CNTN5: variants seen among roughly 807,000 people sequenced by gnomAD.
The protein encoded by CNTN5 is contactin-5.
Under a neutral mutation model 129.1 loss-of-function variants are expected in CNTN5, and 77 were observed. That is an observed-to-expected ratio of 0.60 (90% CI 0.50 to 0.72). CNTN5 has a LOEUF of 0.72. CNTN5 is among the 30% of genes least tolerant of loss of function. The pLI, the probability that CNTN5 is intolerant of heterozygous loss-of-function variation, is 0.00. For missense variants in CNTN5, 1,478 were observed against 1,328.8 expected (o/e 1.11, Z -1.75); for synonymous variants, 509 against 465.6 (o/e 1.09, Z -1.20).
chr11:99,351,244 C>A (rs188401924), intron 2 of CNTN5, among the ~76,000 whole-genome samples: 171 of 152,242 alleles, frequency 1.1e-3, no homozygotes, highest in Admixed American at 2.0e-3. Flanking sequence ...TAGAGGAAGC[C>A]AAGTACTATC....
intron 6 of CNTN5, among the ~76,000 whole-genome samples, chr11:99,853,071 G>A (rs1057179878): frequency 6.6e-6 from 1 of 152,092 alleles, no homozygotes; most frequent in African/African-American, 2.4e-5. Flanking sequence ...CAAAGGGGCA[G>A]TATAAATAAA....
At chr11:99,644,813 A>G (rs551002855) in intron 3 of CNTN5, among the ~76,000 whole-genome samples, 2 of 152,216 alleles carry the variant, frequency 1.3e-5, no homozygotes, top group South Asian at 4.1e-4. Flanking sequence ...AATAAACACT[A>G]AAGGAACTAT....
At chr11:99,652,674 G>A (rs1952201548) in intron 3 of CNTN5, among the ~76,000 whole-genome samples, 2 of 152,068 alleles carry the variant, frequency 1.3e-5, no homozygotes, top group Middle Eastern at 6.8e-3. Flanking sequence ...ATATAACTTA[G>A]TCCATTTTGT....
intron 3 of CNTN5, chr11:99,558,198 C>CTTTT: frequency 3.7e-6 from 1 of 268,844 alleles, no homozygotes; most frequent in Non-Finnish European, 7.5e-6. Context: ...TGTTGGGTTT[C>CTTTT]TTTTTTTTGT....
intron 1 of CNTN5, among the ~76,000 whole-genome samples, chr11:99,141,056 T>C (rs1859491133): frequency 6.6e-6 from 1 of 152,148 alleles, no homozygotes; most frequent in Non-Finnish European, 1.5e-5. Context: ...TTTGGAATAA[T>C]TTACTTAGGA....
intron 7 of CNTN5, among the ~76,000 whole-genome samples, chr11:99,946,818 C>A (rs1950563042): frequency 2.0e-5 from 3 of 150,462 alleles, no homozygotes; most frequent in South Asian, 4.2e-4. Context: ...TAGTACTAGA[C>A]CTTATTATTT....
At chr11:99,321,332 C>CATTATATATATATAACATAT (rs1865562128) in intron 1 of CNTN5, among the ~76,000 whole-genome samples, 1 of 149,088 alleles carries the variant, frequency 6.7e-6, no homozygotes, top group Admixed American at 6.8e-5. Flanking sequence ...ATATTATATA[C>CATTATATATATATAACATAT]ATATATTTAT....
intron 15 of CNTN5, among the ~76,000 whole-genome samples, chr11:100,199,191 G>C (rs1948716771): frequency 1.3e-5 from 2 of 152,028 alleles, no homozygotes; most frequent in South Asian, 4.2e-4. Flanking sequence ...CCACTAAACA[G>C]GAAGTGTATC....
At chr11:100,095,320 T>A (rs1840921238) in intron 13 of CNTN5, among the ~76,000 whole-genome samples, 1 of 152,132 alleles carries the variant, frequency 6.6e-6, no homozygotes, top group Admixed American at 6.6e-5. Flanking sequence ...TTACTGTTTT[T>A]GAGGGGAAGA....
At chr11:99,341,969 A>G (rs1267318845) in intron 2 of CNTN5, among the ~76,000 whole-genome samples, 1 of 152,202 alleles carries the variant, frequency 6.6e-6, no homozygotes, top group Non-Finnish European at 1.5e-5. Context: ...AATAATCCAG[A>G]TTTGAATTCT....
At chr11:100,191,672 T>C (rs746114261) in intron 14 of CNTN5, among the ~76,000 whole-genome samples, 2 of 152,124 alleles carry the variant, frequency 1.3e-5, no homozygotes, top group Middle Eastern at 3.4e-3. Context: ...GAGGATATGA[T>C]GGAGGGGTGG....
intron 13 of CNTN5, among the ~76,000 whole-genome samples, chr11:100,137,754 T>C (rs1946572528): frequency 1.3e-5 from 2 of 152,102 alleles, no homozygotes; most frequent in Non-Finnish European, 2.9e-5. Context: ...AAAATGCAAT[T>C]AGGATATGAT....
At chr11:99,356,017 G>A (rs1591564934) in intron 2 of CNTN5, among the ~76,000 whole-genome samples, 1 of 151,648 alleles carries the variant, frequency 6.6e-6, no homozygotes, top group African/African-American at 2.4e-5. Context: ...TAGTAGAGAC[G>A]GGGTTTCACC....
rs532085324 is a variant in CNTN5, at chr11:99,921,431, C to G, written c.673+5282C>G. Among the ~76,000 whole-genome samples the G allele has an allele frequency of 9.2e-5, 14 of 152,232 alleles. No homozygotes were observed. In the South Asian group the frequency reaches 2.9e-3, roughly 32 times the overall value. On this transcript the variant is annotated intron_variant, in intron 7 of 24. Transcript: ENST00000524871. ...ATCCCAGGTATATGAATGGCTCACT[C>G]CCTCACATCCATATCTTTCTTTAAA...
At chr11:99,159,514 C>G (rs1268148117) in intron 1 of CNTN5, among the ~76,000 whole-genome samples, 2 of 152,096 alleles carry the variant, frequency 1.3e-5, no homozygotes, top group South Asian at 4.2e-4. Context: ...CCCAGCTACT[C>G]AGGAGGCTGA....
At chr11:100,259,961 G>A (rs943583443) in intron 17 of CNTN5, among the ~76,000 whole-genome samples, 3 of 151,222 alleles carry the variant, frequency 2.0e-5, no homozygotes, top group African/African-American at 7.3e-5. Flanking sequence ...AGAAATGAAG[G>A]AGATAGAGAA....
intron 2 of CNTN5, among the ~76,000 whole-genome samples, chr11:99,446,631 T>G (rs571251192): frequency 9.8e-5 from 15 of 152,326 alleles, no homozygotes; most frequent in Non-Finnish European, 1.9e-4. Flanking sequence ...TAAATGAATG[T>G]GCATTTGAAA....
At chr11:99,647,719 GT>G in intron 3 of CNTN5, among the ~76,000 whole-genome samples, 1 of 150,932 alleles carries the variant, frequency 6.6e-6, no homozygotes, top group Admixed American at 6.6e-5. Context: ...TCTTTCATCA[GT>G]TTGTTATACT....
intron 18 of CNTN5, among the ~76,000 whole-genome samples, chr11:100,284,389 A>G (rs1253772789): frequency 6.6e-6 from 1 of 152,244 alleles, no homozygotes; most frequent in Non-Finnish European, 1.5e-5. Flanking sequence ...GAGATTAGAT[A>G]GATTGATAAA....
Sources: gnomAD v4.1 joint callset for allele counts (sites outside exome capture counted in the v4.1 genomes callset) on GRCh38, gnomAD v4.1.1 for gene constraint, MANE v1.5 for transcripts, NCBI Gene and HGNC (gene_info 2026-07-23, HGNC 2026-07-21) for gene names.